STIM2: variants seen among roughly 807,000 people sequenced by gnomAD.
STIM2 encodes the protein stromal interaction molecule 2.
A neutral mutation model predicts 85.8 loss-of-function variants in STIM2; 31 were observed. The observed-to-expected ratio is 0.36, with a 90% CI of 0.27 to 0.49. The LOEUF (loss-of-function observed/expected upper bound fraction) is 0.49, where lower values mean the gene tolerates loss of function less well. Among genes scored for constraint, STIM2 ranks in the 20% least tolerant of loss-of-function variants. The pLI is 0.98. For synonymous variants in STIM2, 356 were observed against 331.1 expected, an observed-to-expected ratio of 1.08 and a Z score of -0.82; for missense variants, 841 against 927.6, an observed-to-expected ratio of 0.91 and a Z score of 1.21.
chr4:27,010,917 A>G (rs1309237480), intron 10 of STIM2, among the ~76,000 whole-genome samples: 1 of 152,158 alleles, frequency 6.6e-6, no homozygotes, highest in Non-Finnish European at 1.5e-5. Flanking sequence ...CTATTCTTAA[A>G]TATCTGCTAA....
At chr4:26,928,644 G>A (rs1725080860) in intron 2 of STIM2, among the ~76,000 whole-genome samples, 1 of 152,104 alleles carries the variant, frequency 6.6e-6, no homozygotes, top group African/African-American at 2.4e-5. Context: ...AAAGTGCTTG[G>A]ATGACAGGCA....
At chr4:26,864,600 A>G (rs1051623761) in intron 1 of STIM2, among the ~76,000 whole-genome samples, 34 of 152,136 alleles carry the variant, frequency 2.2e-4, no homozygotes, top group African/African-American at 8.2e-4. Context: ...TATCCTTTTA[A>G]AGAATGAATT....
chr4:26,917,974 A>G (rs1724649049), intron 1 of STIM2, among the ~76,000 whole-genome samples: 2 of 152,156 alleles, frequency 1.3e-5, no homozygotes, highest in South Asian at 2.1e-4. Flanking sequence ...ATGATTGACC[A>G]TTATGCCTCC....
chr4:26,939,890 G>T (rs1577451104), intron 2 of STIM2, among the ~76,000 whole-genome samples: 1 of 152,234 alleles, frequency 6.6e-6, no homozygotes, highest in East Asian at 1.9e-4. Flanking sequence ...GTCTAGTAGG[G>T]CATATAATGT....
rs567933757 is a variant in STIM2 at position 26,935,421 on chromosome 4, C to T, written c.282+15787C>T. ...ATATTAAATAGAAAAAGGTTAGGGC[C>T]ACCCTAATACTTCTCATTTAGCTTA... On this transcript the variant is annotated intron_variant, in intron 2 of 11. Coordinates refer to ENST00000467087, the MANE Select transcript of STIM2 (RefSeq NM_020860.4). Among the ~76,000 whole-genome samples, 4 of 152,258 alleles carry T rather than the reference C, an allele frequency of 2.6e-5. No individual in the cohort carries two copies. In the East Asian group the frequency reaches 7.7e-4, roughly 29 times the overall value.
chr4:26,872,249 A>G (rs1469937552), intron 1 of STIM2, among the ~76,000 whole-genome samples: 1 of 152,116 alleles, frequency 6.6e-6, no homozygotes, highest in Non-Finnish European at 1.5e-5. Flanking sequence ...ATTAGTTAAA[A>G]CTCTGTAGAA....
intron 2 of STIM2, among the ~76,000 whole-genome samples, chr4:26,927,753 C>G (rs1489920091): frequency 2.1e-5 from 2 of 93,704 alleles, no homozygotes; most frequent in Non-Finnish European, 3.9e-5. Flanking sequence ...ACTGCTAAAC[C>G]CTTAAAAAAA....
chr4:26,987,574 T>C (rs1399135913), intron 3 of STIM2, among the ~76,000 whole-genome samples: 1 of 152,146 alleles, frequency 6.6e-6, no homozygotes, highest in East Asian at 1.9e-4. Flanking sequence ...TCTCCTTTGT[T>C]CCAGAGCCAT....
intron 2 of STIM2, among the ~76,000 whole-genome samples, chr4:26,937,983 T>G (rs1156697115): frequency 6.6e-6 from 1 of 152,154 alleles, no homozygotes; most frequent in Admixed American, 6.5e-5. Context: ...GATAAGTGAT[T>G]TTTTGTCTTT....
chr4:26,929,894 G>A (rs1187477274), intron 2 of STIM2, among the ~76,000 whole-genome samples: 1 of 152,060 alleles, frequency 6.6e-6, no homozygotes, highest in Non-Finnish European at 1.5e-5. Flanking sequence ...GATGGGGGCT[G>A]TAATGTTCTA....
intron 1 of STIM2, among the ~76,000 whole-genome samples, chr4:26,914,337 TATATA>T (rs1724453594): frequency 6.6e-6 from 1 of 152,198 alleles, no homozygotes. Context: ...ACCCTTTTGT[TATATA>T]ATAATCATTA....
At chr4:26,867,173 C>G (rs1040651333) in intron 1 of STIM2, among the ~76,000 whole-genome samples, 2 of 151,934 alleles carry the variant, frequency 1.3e-5, no homozygotes, top group African/African-American at 2.4e-5. Flanking sequence ...AGGAATCTGG[C>G]TATTTATATG....
intron 7 of STIM2, among the ~76,000 whole-genome samples, chr4:27,004,930 G>A (rs964257918): frequency 2.6e-5 from 4 of 152,106 alleles, no homozygotes; most frequent in African/African-American, 9.7e-5. Context: ...CAACACATAG[G>A]TATTATCTTC....
intron 2 of STIM2, among the ~76,000 whole-genome samples, chr4:26,928,253 T>A (rs1725059404): frequency 6.6e-6 from 1 of 152,150 alleles, no homozygotes; most frequent in Non-Finnish European, 1.5e-5. Flanking sequence ...CAATGGCAAA[T>A]TTCAATATGA....
chr4:26,914,826 T>C (rs1351921405), intron 1 of STIM2, among the ~76,000 whole-genome samples: 1 of 152,224 alleles, frequency 6.6e-6, no homozygotes, highest in Non-Finnish European at 1.5e-5. Context: ...AAAGGAAAAG[T>C]AAGGCAGGAA....
At chr4:26,939,584 C>G (rs1223854162) in intron 2 of STIM2, among the ~76,000 whole-genome samples, 1 of 152,118 alleles carries the variant, frequency 6.6e-6, no homozygotes, top group Non-Finnish European at 1.5e-5. Context: ...ATTGTCAGTC[C>G]TTGCTAACTG....
chr4:27,011,026 C>T (rs1283334400), intron 10 of STIM2, among the ~76,000 whole-genome samples: 1 of 152,150 alleles, frequency 6.6e-6, no homozygotes, highest in Non-Finnish European at 1.5e-5. Flanking sequence ...TGCCCACCTA[C>T]CAAAAAGATA....
intron 3 of STIM2, among the ~76,000 whole-genome samples, chr4:26,987,005 G>T (rs1727607363): frequency 6.6e-6 from 1 of 152,210 alleles, no homozygotes; most frequent in South Asian, 2.1e-4. Context: ...TGTAGAAATA[G>T]TTAAGCAGTA....
At chr4:27,018,829 G>A (rs993984718) in intron 11 of STIM2, among the ~76,000 whole-genome samples, 2 of 152,100 alleles carry the variant, frequency 1.3e-5, no homozygotes, top group Non-Finnish European at 2.9e-5. Flanking sequence ...AAGAAATATC[G>A]GATATGACTG....
Sources: gnomAD v4.1 joint callset for allele counts (sites outside exome capture counted in the v4.1 genomes callset) on GRCh38, gnomAD v4.1.1 for gene constraint, MANE v1.5 for transcripts, NCBI Gene and HGNC (gene_info 2026-07-23, HGNC 2026-07-21) for gene names.